Variants in BRINP2 observed in about 807,000 individuals in gnomAD.
BRINP2 encodes BMP/retinoic acid-inducible neural-specific protein 2.
BRINP2 carries 21 observed loss-of-function variants against 69.2 expected under a neutral mutation model. That is an observed-to-expected ratio of 0.30 (90% CI 0.22 to 0.44). BRINP2 has a LOEUF of 0.44. Ranked by LOEUF, BRINP2 falls within the 20% of genes least tolerant of loss-of-function variation. The pLI is 1.00. For missense variants in BRINP2, 877 were observed against 986.0 expected (o/e 0.89, Z 1.48); for synonymous variants, 380 against 394.1 (o/e 0.96, Z 0.42).
At chr1:177,200,573 G>A (rs886748350) in intron 1 of BRINP2, among the ~76,000 whole-genome samples, 1 of 151,672 alleles carries the variant, frequency 6.6e-6, no homozygotes, top group Non-Finnish European at 1.5e-5. Context: ...TTCCTCCCTC[G>A]GCTTGTCATA....
At chr1:177,246,109 A>G (rs1192038061) in intron 2 of BRINP2, among the ~76,000 whole-genome samples, 2 of 152,170 alleles carry the variant, frequency 1.3e-5, no homozygotes, top group African/African-American at 4.8e-5. Context: ...AGATGGCCTC[A>G]TTTCTGTTCT....
At chr1:177,251,721 T>C (rs1046696300) in intron 2 of BRINP2, among the ~76,000 whole-genome samples, 5 of 152,182 alleles carry the variant, frequency 3.3e-5, no homozygotes, top group African/African-American at 1.2e-4. Flanking sequence ...TAGAGGATAC[T>C]AGTTCCCATC....
In BRINP2 at chr1:177,281,101, T is replaced by C. The variant is rs1651683702; in HGVS notation, c.1925T>C (p.Val642Ala). ...AGGTGGAAGACTTTCTTTGAGACAG[T>C]TCATGTTTACCTACGGAGCCGAATC... ...GNRWKTFFET[V>A]HVYLRSRIKS... The change falls in exon 8 of 8, where the codon GTT becomes GCT. Residue 642 changes from valine (V) to alanine (A), a missense_variant. Val to Ala is a moderately conservative substitution (Grantham distance 64). Coordinates refer to ENST00000361539, the MANE Select transcript of BRINP2 (RefSeq NM_021165.4). 3 of 1,614,032 alleles carry C rather than the reference T, an allele frequency of 1.9e-6. No homozygotes were observed. The highest frequency in any genetic ancestry group is 1.3e-5 in the African/African-American group (1 of 74,906).
intron 2 of BRINP2, among the ~76,000 whole-genome samples, chr1:177,250,247 T>C (rs1339859354): frequency 1.3e-5 from 2 of 152,202 alleles, no homozygotes; most frequent in Non-Finnish European, 2.9e-5. Context: ...CTGTAATTTG[T>C]GATGAAAATA....
intron 4 of BRINP2, among the ~76,000 whole-genome samples, chr1:177,266,586 G>A (rs369180441): frequency 5.3e-5 from 8 of 151,056 alleles, no homozygotes; most frequent in East Asian, 2.0e-4. Context: ...GGTGAAACCC[G>A]GTCTCTACTA....
chr1:177,245,055 C>T (rs1650332321), intron 2 of BRINP2, among the ~76,000 whole-genome samples: 1 of 152,140 alleles, frequency 6.6e-6, no homozygotes, highest in Admixed American at 6.5e-5. Flanking sequence ...ATCAACCACA[C>T]TGACATCTGT....
intron 2 of BRINP2, among the ~76,000 whole-genome samples, chr1:177,234,196 A>C (rs1649946656): frequency 6.6e-6 from 1 of 152,178 alleles, no homozygotes; most frequent in African/African-American, 2.4e-5. Flanking sequence ...CTTAGAGACC[A>C]ACTTTTCACA....
In BRINP2 at chr1:177,281,707, T is replaced by C; in HGVS notation, c.*179T>C. ...GAGAGAGAAACAGCTACTGCGTGCG[T>C]GCGCGCACGCATACACACACACACA... On this transcript the variant is annotated 3_prime_UTR_variant, in exon 8 of 8. Coordinates refer to ENST00000361539, the MANE Select transcript of BRINP2 (RefSeq NM_021165.4). 3.2e-5 allele frequency: 22 copies of C among 692,784 alleles called. No homozygotes were observed. Among genetic ancestry groups the C allele is most frequent in the Non-Finnish European group, 4.7e-5 (20 of 425,122 alleles). The allele number at this position is 692,784 out of a possible 1,614,324, so 42.9% of individuals were successfully genotyped here.
At chr1:177,212,019 T>C (rs1486083838) in intron 1 of BRINP2, among the ~76,000 whole-genome samples, 5 of 152,176 alleles carry the variant, frequency 3.3e-5, no homozygotes, top group Admixed American at 2.6e-4. Context: ...TATCAATCAA[T>C]CTACCTACCT....
intron 1 of BRINP2, among the ~76,000 whole-genome samples, chr1:177,199,210 C>A (rs1429080350): frequency 2.0e-5 from 3 of 152,094 alleles, no homozygotes; most frequent in Non-Finnish European, 1.5e-5. Flanking sequence ...TGATAATTGT[C>A]TTAGAGAGAG....
intron 1 of BRINP2, among the ~76,000 whole-genome samples, chr1:177,227,627 G>A (rs1203147292): frequency 6.6e-6 from 1 of 150,734 alleles, no homozygotes; most frequent in Admixed American, 6.6e-5. Flanking sequence ...TTTTTTCATG[G>A]TAATGCATGC....
intron 7 of BRINP2, 44 bp downstream of exon 7, chr1:177,278,829 C>T: frequency 6.3e-7 from 1 of 1,581,394 alleles, no homozygotes; most frequent in Non-Finnish European, 8.7e-7. Context: ...AGCACCTCCC[C>T]TGACAGCTGC....
intron 4 of BRINP2, among the ~76,000 whole-genome samples, chr1:177,264,063 C>T (rs1237495622): frequency 2.0e-5 from 3 of 152,078 alleles, no homozygotes; most frequent in African/African-American, 4.8e-5. Flanking sequence ...GAAGACAGAA[C>T]TCTGTGAAAG....
At chr1:177,234,671 G>A (rs974563583) in intron 2 of BRINP2, among the ~76,000 whole-genome samples, 1 of 152,164 alleles carries the variant, frequency 6.6e-6, no homozygotes, top group African/African-American at 2.4e-5. Flanking sequence ...GGAAAGCAAT[G>A]CTGAATGGAA....
chr1:177,261,117 T>A (rs938321316), intron 4 of BRINP2, among the ~76,000 whole-genome samples: 4 of 151,666 alleles, frequency 2.6e-5, no homozygotes, highest in African/African-American at 9.7e-5. Flanking sequence ...TGCCCTAAAG[T>A]GGCAGGGCAG....
intron 1 of BRINP2, among the ~76,000 whole-genome samples, chr1:177,203,418 T>G (rs536318370): frequency 6.6e-6 from 1 of 152,252 alleles, no homozygotes; most frequent in Non-Finnish European, 1.5e-5. Context: ...ACATGGCACA[T>G]GTATACATAT....
chr1:177,197,164 A>G (rs2102300643), intron 1 of BRINP2, among the ~76,000 whole-genome samples: 1 of 152,330 alleles, frequency 6.6e-6, no homozygotes, highest in Non-Finnish European at 1.5e-5. Context: ...TAGGAAGCAC[A>G]GCGGCTTCTG....
At chr1:177,211,451 G>A (rs983724375) in intron 1 of BRINP2, among the ~76,000 whole-genome samples, 4 of 152,110 alleles carry the variant, frequency 2.6e-5, no homozygotes, top group Admixed American at 6.5e-5. Flanking sequence ...TACTTGTCAT[G>A]CCTCTTCAGT....
At chr1:177,253,351 G>GA (rs1284170622) in intron 2 of BRINP2, among the ~76,000 whole-genome samples, 1 of 151,870 alleles carries the variant, frequency 6.6e-6, no homozygotes, top group East Asian at 1.9e-4. Context: ...GTATTCTTTT[G>GA]AAAAATGTCT....
Sources: allele counts gnomAD v4.1 joint callset (sites outside exome capture counted in the v4.1 genomes callset), GRCh38; gene constraint gnomAD v4.1.1; transcripts MANE v1.5; gene names NCBI Gene and HGNC (gene_info 2026-07-23, HGNC 2026-07-21).